Variants in ADAM9 observed in about 807,000 individuals in gnomAD.
ADAM9 encodes the protein disintegrin and metalloproteinase domain-containing protein 9.
In ADAM9, 54 loss-of-function variants were observed where a neutral mutation model predicts 108.1. The observed-to-expected ratio is 0.50, with a 90% CI of 0.40 to 0.63. ADAM9 has a LOEUF of 0.63. Ranked by LOEUF, ADAM9 falls within the 20% of genes least tolerant of loss-of-function variation. ADAM9 has a pLI of 0.00. For synonymous variants in ADAM9, 316 were observed against 336.0 expected (o/e 0.94, Z 0.65); for missense variants, 830 against 997.7 (o/e 0.83, Z 2.26).
intron 17 of ADAM9, 92 bp downstream of exon 17, chr8:39,082,813 TG>T: frequency 7.3e-7 from 1 of 1,373,756 alleles, no homozygotes; most frequent in Non-Finnish European, 1.0e-6. Context: ...GATTTTCAGA[TG>T]TTGGGGAATT....
intron 11 of ADAM9, among the ~76,000 whole-genome samples, chr8:39,029,701 A>G (rs1837039605): frequency 6.6e-6 from 1 of 152,118 alleles, no homozygotes; most frequent in African/African-American, 2.4e-5. Flanking sequence ...TGTGTGTTGA[A>G]CCGTCCTTGT....
chr8:39,082,363 T>A (rs980961549), intron 16 of ADAM9, among the ~76,000 whole-genome samples: 9 of 152,176 alleles, frequency 5.9e-5, no homozygotes, highest in Non-Finnish European at 1.5e-5. Context: ...TTATTTAGGA[T>A]CTTCACATCA....
chr8:39,050,520 G>C (rs750552215), intron 12 of ADAM9, among the ~76,000 whole-genome samples: 2 of 147,938 alleles, frequency 1.4e-5, no homozygotes, highest in Non-Finnish European at 3.0e-5. Flanking sequence ...TCTTTATTCT[G>C]TTTGCTCTGA....
At chr8:39,080,851 C>T (rs1246040958) in intron 16 of ADAM9, among the ~76,000 whole-genome samples, 1 of 151,674 alleles carries the variant, frequency 6.6e-6, no homozygotes. Context: ...GTCAAGTTTG[C>T]TCTACTTGCT....
chr8:39,086,146 C>T (rs1839173800), intron 18 of ADAM9, among the ~76,000 whole-genome samples: 1 of 151,584 alleles, frequency 6.6e-6, no homozygotes, highest in Non-Finnish European at 1.5e-5. Context: ...TCCTGAGTAG[C>T]TGGGACTACA....
At chr8:39,003,996 T>G (rs745351027) in intron 1 of ADAM9, among the ~76,000 whole-genome samples, 2 of 152,244 alleles carry the variant, frequency 1.3e-5, no homozygotes, top group Non-Finnish European at 2.9e-5. Context: ...AAACTATAAG[T>G]AAAGTAAACT....
intron 7 of ADAM9, among the ~76,000 whole-genome samples, chr8:39,021,160 T>C (rs1836727266): frequency 6.6e-6 from 1 of 152,260 alleles, no homozygotes; most frequent in Non-Finnish European, 1.5e-5. Flanking sequence ...TTTTCTTTTA[T>C]TCCTGTCACT....
At chr8:39,053,890 T>C (rs1190152887) in intron 12 of ADAM9, among the ~76,000 whole-genome samples, 3 of 152,200 alleles carry the variant, frequency 2.0e-5, no homozygotes, top group Non-Finnish European at 2.9e-5. Context: ...ATGTTTGTGC[T>C]TCCCCAAAAC....
At chr8:39,029,070 G>A (rs1164660547) in intron 11 of ADAM9, among the ~76,000 whole-genome samples, 1 of 151,126 alleles carries the variant, frequency 6.6e-6, no homozygotes, top group African/African-American at 2.4e-5. Context: ...AAGATAACAT[G>A]ATTTCAAATT....
chr8:39,060,989 C>G (rs1455671882), intron 14 of ADAM9, among the ~76,000 whole-genome samples: 1 of 152,230 alleles, frequency 6.6e-6, no homozygotes, highest in Non-Finnish European at 1.5e-5. Context: ...GGTATAGCAG[C>G]TTCAGTTGGA....
At chr8:39,045,321 T>TGTGTGTGTACACCTAC (rs1564300050) in intron 12 of ADAM9, among the ~76,000 whole-genome samples, 4 of 101,816 alleles carry the variant, frequency 3.9e-5, no homozygotes, top group African/African-American at 1.3e-4. Context: ...TGTACACCTA[T>TGTGTGTGTACACCTAC]ACATGTGTGT....
chr8:39,045,374 A>G lies in ADAM9; in HGVS notation c.1302+3257A>G, dbSNP rs1382759150. On this transcript the variant is annotated intron_variant, in intron 12 of 21. Transcript: ENST00000487273. ...TGTACATACATATAGGTGTGTGTAC[A>G]TACACCTATAGGTGTGTGTACACAC... Among the ~76,000 whole-genome samples the G allele has an allele frequency of 3.5e-5, 4 of 115,314 alleles. 1 individual carries two copies. The highest frequency in any genetic ancestry group is 5.9e-5 in the Non-Finnish European group (3 of 50,940). 75.7% of individuals were successfully genotyped at this position (115,314 alleles called of 152,430 possible).
chr8:39,020,671 T>G (rs1836708028), intron 7 of ADAM9, among the ~76,000 whole-genome samples: 1 of 152,254 alleles, frequency 6.6e-6, no homozygotes, highest in South Asian at 2.1e-4. Context: ...AATCTCTCAT[T>G]TTTAATTCAG....
rs760415935 is a variant in ADAM9, at chr8:39,103,762, T to C, written c.*62T>C. 14 of 1,481,408 alleles carry C rather than the reference T, an allele frequency of 9.5e-6. No homozygotes were observed. In the East Asian group the frequency reaches 2.9e-4, roughly 31 times the overall value. The allele number at this position is 1,481,408 out of a possible 1,614,324, so 91.8% of individuals were successfully genotyped here. On this transcript the variant is annotated 3_prime_UTR_variant, in exon 22 of 22. Coordinates refer to ENST00000487273, the MANE Select transcript of ADAM9 (RefSeq NM_003816.3). ...ACTGAGCTAATACTTTTTTTTTTTC[T>C]TGATGTTTTCTTGAAAAGCCTTTCT...
intron 3 of ADAM9, among the ~76,000 whole-genome samples, chr8:39,012,488 C>T (rs1836386553): frequency 6.6e-6 from 1 of 152,208 alleles, no homozygotes; most frequent in Non-Finnish European, 1.5e-5. Flanking sequence ...TATAAAGACA[C>T]ATGCACACAT....
chr8:39,017,059 G>A (rs181150927), intron 5 of ADAM9, 160 bp from the exon 6 acceptor site: 50 of 768,512 alleles, frequency 6.5e-5, no homozygotes, highest in Middle Eastern at 3.8e-4. Flanking sequence ...ATTTAGGTCC[G>A]TCCCAGCCCT....
rs553403065 is a variant in ADAM9 at position 39,067,254 on chromosome 8, TG to T, written c.1592-4043del. Among the ~76,000 whole-genome samples, 40 of 152,364 alleles carry T rather than the reference TG, an allele frequency of 2.6e-4. 1 individual carries two copies. The East Asian group carries it at 7.1e-3, about 27-fold the overall frequency. On this transcript the variant is annotated intron_variant, in intron 14 of 21. Transcript: ENST00000487273. ...ATGTGGGCTCTTTTTTGGTTCCATA[TG>T]AACTTTAAAGTATTTTTTTCCAATT... is the stretch of plus-strand genomic sequence containing the variant.
intron 13 of ADAM9, 117 bp downstream of exon 13, chr8:39,054,690 C>T (rs1838063482): frequency 3.5e-6 from 3 of 851,304 alleles, no homozygotes; most frequent in Non-Finnish European, 3.6e-6. Flanking sequence ...ATTTTATGGT[C>T]ATGGGAAAAA....
At position 39,040,020 on chromosome 8, in the gene ADAM9, A is replaced by G. The variant is rs553052513; in HGVS notation, c.1131-1926A>G. ...GTGCTCAAGATTCCTTTTTTTCTAT[A>G]CTCTCACTAGCACTTGTCATCTCTT... On this transcript the variant is annotated intron_variant, in intron 11 of 21. Coordinates refer to ENST00000487273, the MANE Select transcript of ADAM9 (RefSeq NM_003816.3). Among the ~76,000 whole-genome samples, 128 of 151,508 alleles carry G rather than the reference A, an allele frequency of 8.4e-4. 1 individual carries two copies. Among genetic ancestry groups the G allele is most frequent in the African/African-American group, 3.0e-3 (124 of 41,332 alleles).
Sources: gnomAD v4.1 joint callset for allele counts (sites outside exome capture counted in the v4.1 genomes callset) on GRCh38, gnomAD v4.1.1 for gene constraint, MANE v1.5 for transcripts, NCBI Gene and HGNC (gene_info 2026-07-23, HGNC 2026-07-21) for gene names.